CSNK2A2IP: variants seen among roughly 807,000 people sequenced by gnomAD.
The protein encoded by CSNK2A2IP is casein kinase II subunit alpha'-interacting protein.
At chr3:88,345,539 G>C in the CSNK2A2IP span, among the ~76,000 whole-genome samples, 3 of 151,902 alleles carry the variant, frequency 2.0e-5, no homozygotes, top group Non-Finnish European at 4.4e-5. Context: ...TGACACTTTG[G>C]TAATTCTCAC....
At chr3:88,350,883 C>T in the CSNK2A2IP span, among the ~76,000 whole-genome samples, 1 of 152,160 alleles carries the variant, frequency 6.6e-6, no homozygotes, top group African/African-American at 2.4e-5. Flanking sequence ...CTGTACTTCA[C>T]TTTCCCAACT....
the CSNK2A2IP span, among the ~76,000 whole-genome samples, chr3:88,440,992 G>A: frequency 6.6e-6 from 1 of 152,052 alleles, no homozygotes; most frequent in Non-Finnish European, 1.5e-5. Flanking sequence ...AGGAAACTTT[G>A]GCTGCCTCAT....
chr3:88,348,159 T>A, the CSNK2A2IP span, among the ~76,000 whole-genome samples: 1 of 150,962 alleles, frequency 6.6e-6, no homozygotes, highest in African/African-American at 2.4e-5. Context: ...CAAATTGTCC[T>A]TTGACCATGT....
chr3:88,389,499 A>G, the CSNK2A2IP span, among the ~76,000 whole-genome samples: 2 of 152,200 alleles, frequency 1.3e-5, no homozygotes. Flanking sequence ...CTTATAGGCC[A>G]TCGTAAGGAT....
At chr3:88,384,318 A>G in the CSNK2A2IP span, among the ~76,000 whole-genome samples, 1 of 151,938 alleles carries the variant, frequency 6.6e-6, no homozygotes, top group African/African-American at 2.4e-5. Flanking sequence ...GGACTGACTG[A>G]CTTTCTTTCT....
chr3:88,465,636 C>A, the CSNK2A2IP span: 1 of 1,231,638 alleles, frequency 8.1e-7, no homozygotes, highest in Non-Finnish European at 1.0e-6. Context: ...CACCATTGTT[C>A]CATGCCAAGC....
chr3:88,446,070 C>G, the CSNK2A2IP span, among the ~76,000 whole-genome samples: 1 of 108,406 alleles, frequency 9.2e-6, no homozygotes, highest in Non-Finnish European at 2.0e-5. Flanking sequence ...TTCTTTCTTT[C>G]TTTCTTTCTT....
At chr3:88,392,924 GAGAT>G in the CSNK2A2IP span, among the ~76,000 whole-genome samples, 3 of 152,134 alleles carry the variant, frequency 2.0e-5, no homozygotes, top group African/African-American at 7.2e-5. Context: ...TGTTAGTTGA[GAGAT>G]AGATAATTAA....
the CSNK2A2IP span, among the ~76,000 whole-genome samples, chr3:88,363,459 T>C: frequency 6.6e-6 from 1 of 152,196 alleles, no homozygotes; most frequent in Non-Finnish European, 1.5e-5. Context: ...AGTATAACCA[T>C]TTTATTACTT....
At chr3:88,412,016 T>C in the CSNK2A2IP span, among the ~76,000 whole-genome samples, 2 of 151,720 alleles carry the variant, frequency 1.3e-5, no homozygotes, top group African/African-American at 4.9e-5. Flanking sequence ...GTTAGAAGAA[T>C]ACCCCAAGAG....
At chr3:88,429,295 G>A in the CSNK2A2IP span, among the ~76,000 whole-genome samples, 5 of 151,994 alleles carry the variant, frequency 3.3e-5, no homozygotes, top group African/African-American at 7.2e-5. Context: ...TTGCCTCCAG[G>A]CTCTTTCCCA....
chr3:88,390,384 T>C, the CSNK2A2IP span, among the ~76,000 whole-genome samples: 1 of 152,270 alleles, frequency 6.6e-6, no homozygotes, highest in East Asian at 1.9e-4. Flanking sequence ...TGCTGGAACA[T>C]TCTCTGGCAT....
the CSNK2A2IP span, among the ~76,000 whole-genome samples, chr3:88,395,754 G>A: frequency 6.6e-6 from 1 of 152,022 alleles, no homozygotes; most frequent in Non-Finnish European, 1.5e-5. Flanking sequence ...TGTATAGCTC[G>A]AATTATTTAT....
chr3:88,399,282 C>T, the CSNK2A2IP span, among the ~76,000 whole-genome samples: 48 of 152,206 alleles, frequency 3.2e-4, no homozygotes, highest in South Asian at 9.5e-3. Context: ...TTATTGTTAA[C>T]ATTTTGAATA....
At chr3:88,344,500 C>T in the CSNK2A2IP span, among the ~76,000 whole-genome samples, 2 of 151,926 alleles carry the variant, frequency 1.3e-5, no homozygotes, top group Middle Eastern at 3.2e-3. Flanking sequence ...GAGCCCCAGA[C>T]TGAGTTCAAA....
At chr3:88,443,993 A>AT in the CSNK2A2IP span, among the ~76,000 whole-genome samples, 1 of 152,098 alleles carries the variant, frequency 6.6e-6, no homozygotes, top group African/African-American at 2.4e-5. Context: ...TATCAATATA[A>AT]TTTTTAGAAA....
At chr3:88,466,350 C>T in the CSNK2A2IP span, 3 of 1,231,812 alleles carry the variant, frequency 2.4e-6, no homozygotes, top group African/African-American at 1.5e-5. Flanking sequence ...TTGATTGTAA[C>T]TTCCAGACCA....
the CSNK2A2IP span, among the ~76,000 whole-genome samples, chr3:88,453,047 C>T: frequency 6.6e-5 from 10 of 152,018 alleles, no homozygotes; most frequent in African/African-American, 1.7e-4. Context: ...CTGAGCTTGA[C>T]GAGGCAGAAA....
the CSNK2A2IP span, among the ~76,000 whole-genome samples, chr3:88,452,973 T>A: frequency 6.6e-6 from 1 of 152,146 alleles, no homozygotes; most frequent in Non-Finnish European, 1.5e-5. Flanking sequence ...AAGGTAGTCT[T>A]AAAGTATAAA....
Sources: gnomAD v4.1 joint callset for allele counts (sites outside exome capture counted in the v4.1 genomes callset) on GRCh38, gnomAD v4.1.1 for gene constraint, MANE v1.5 for transcripts, NCBI Gene and HGNC (gene_info 2026-07-23, HGNC 2026-07-21) for gene names.